Variants in CDC6 observed in about 807,000 individuals in gnomAD.
CDC6 encodes the protein DNA replication factor CDC6.
A neutral mutation model predicts 60.2 loss-of-function variants in CDC6; 46 were observed. The observed-to-expected ratio is 0.76, with a 90% CI of 0.60 to 0.98. The LOEUF (loss-of-function observed/expected upper bound fraction) is 0.98, where lower values mean the gene tolerates loss of function less well. Among genes scored for constraint, CDC6 ranks in the 50% least tolerant of loss-of-function variants. CDC6 has a pLI of 0.00. For missense variants in CDC6, 596 were observed against 652.9 expected, an observed-to-expected ratio of 0.91 and a Z score of 0.95; for synonymous variants, 210 against 233.2, an observed-to-expected ratio of 0.90 and a Z score of 0.90.
chr17:40,289,639 G>T, intron 2 of CDC6, 41 bp downstream of exon 2: 1 of 1,525,028 alleles, frequency 6.6e-7, no homozygotes, highest in South Asian at 1.1e-5. Flanking sequence ...AGCAGCTCGT[G>T]ACCTTTCTTT....
rs1487054732 is a variant in CDC6 at position 40,303,220 on chromosome 17, A to C, written c.*1219A>C. ...ATAACATTGACTACTTTGAAAGGGG[A>C]TGCTTGAGGCTGAGGTAGTTTTGAG... is the stretch of plus-strand genomic sequence containing the variant. On this transcript the variant is annotated 3_prime_UTR_variant, in exon 12 of 12. Coordinates refer to ENST00000209728, the MANE Select transcript of CDC6 (RefSeq NM_001254.4). The C allele has an allele frequency of 6.6e-6, 1 of 152,200 alleles. No individual in the cohort carries two copies. Among genetic ancestry groups the C allele is most frequent in the Non-Finnish European group, 1.5e-5 (1 of 68,038 alleles). The allele number at this position is 152,200 out of a possible 1,614,324, so 9.4% of individuals were successfully genotyped here. A position where few individuals can be genotyped will look rare whatever the true frequency, so the allele number is the denominator to read the frequency against.
intron 4 of CDC6, among the ~76,000 whole-genome samples, chr17:40,292,045 C>T (rs2032772365): frequency 6.6e-6 from 1 of 152,078 alleles, no homozygotes; most frequent in Non-Finnish European, 1.5e-5. Flanking sequence ...CCGCACCTGG[C>T]CTGTTTTGTT....
At chr17:40,294,082 A>T (rs1274321237) in intron 6 of CDC6, 26 bp downstream of exon 6, 5 of 1,474,186 alleles carry the variant, frequency 3.4e-6, no homozygotes, top group Non-Finnish European at 4.8e-6. Context: ...TTAATGTTAC[A>T]TGGTGGTTCT....
rs113267647 is a variant in CDC6 at position 40,299,254 on chromosome 17, C to T, written c.1250-1574C>T. ...CCTCCTCCTCCCAGGCTCAAGCCATCCTCCCACCCCAGCCTCCTGAGTAGC... is the reference window on the plus strand; with the variant it reads ...CCTCCTCCTCCCAGGCTCAAGCCATTCTCCCACCCCAGCCTCCTGAGTAGC... On this transcript the variant is annotated intron_variant, in intron 9 of 11. Transcript: ENST00000209728. Among the ~76,000 whole-genome samples, 81 of 147,622 alleles carry T rather than the reference C, an allele frequency of 5.5e-4. 1 individual carries two copies. The highest frequency in any genetic ancestry group is 1.9e-3 in the African/African-American group (78 of 40,270).
At chr17:40,290,406 TGCTGCTAGACATTACAATGCACAGGACA>T (rs1192588616) in intron 2 of CDC6, among the ~76,000 whole-genome samples, 24 of 152,206 alleles carry the variant, frequency 1.6e-4, no homozygotes, top group African/African-American at 5.5e-4. Context: ...AGGCCAGGGA[TGCTGCTAGACATTACAATGCACAGGACA>T]GCTCCTTGAC....
chr17:40,294,370 C>T lies in CDC6; in HGVS notation c.950C>T (p.Ala317Val). The T allele has an allele frequency of 6.2e-7, 1 of 1,602,884 alleles. No individual in the cohort carries two copies. The highest frequency in any genetic ancestry group is 8.5e-7 in the Non-Finnish European group (1 of 1,170,052). ...TTGTTGATCTCCTCCTTAGGTATTG[C>T]TAATACCCTGGATCTCACAGATAGA... ...SNSHLVLIGI[A>V]NTLDLTDRIL... Residue 317 changes from alanine to valine, a missense_variant, in exon 7 of 12, where the codon GCT becomes GTT. Coordinates refer to ENST00000209728, the MANE Select transcript of CDC6 (RefSeq NM_001254.4).
chr17:40,300,460 G>A (rs892414347), intron 9 of CDC6, among the ~76,000 whole-genome samples: 1 of 152,084 alleles, frequency 6.6e-6, no homozygotes, highest in Non-Finnish European at 1.5e-5. Flanking sequence ...TAGTGCCACT[G>A]TACTCCAGCC....
intron 7 of CDC6, 75 bp from the exon 8 acceptor site, chr17:40,295,281 A>G: frequency 1.0e-6 from 1 of 990,112 alleles, no homozygotes; most frequent in South Asian, 1.3e-5. Flanking sequence ...ATGTGAAAAT[A>G]TTTATGCTTG....
rs1443554054 is a variant in CDC6 at position 40,301,894 on chromosome 17, C to A, written c.1594-18C>A. On this transcript the variant is annotated intron_variant, in intron 11 of 11. Transcript: ENST00000209728. Reference sequence around the variant, plus strand: ...TGTGAGTTCCCCAGTGTGAAAAATCCTTTTCTCTTCTTTCCAGGTGTTTTT... The same window carrying A: ...TGTGAGTTCCCCAGTGTGAAAAATCATTTTCTCTTCTTTCCAGGTGTTTTT... The A allele has an allele frequency of 8.7e-6, 13 of 1,500,804 alleles. No homozygotes were observed. The East Asian group carries it at 2.3e-4, about 26-fold the overall frequency. The allele number at this position is 1,500,804 out of a possible 1,614,324, so 93.0% of individuals were successfully genotyped here. A position where few individuals can be genotyped will look rare whatever the true frequency, so the allele number is the denominator to read the frequency against.
At chr17:40,300,704 CT>C in intron 9 of CDC6, 123 bp from the exon 10 acceptor site, 1 of 808,730 alleles carries the variant, frequency 1.2e-6, no homozygotes, top group Non-Finnish European at 2.2e-6. Flanking sequence ...AAAACCTCTG[CT>C]TTGCCACCAT....
intron 1 of CDC6, among the ~76,000 whole-genome samples, chr17:40,288,291 T>G (rs1397408510): frequency 6.6e-6 from 1 of 152,162 alleles, no homozygotes; most frequent in African/African-American, 2.4e-5. Flanking sequence ...GAGGGAAGAC[T>G]GAGCTGCAGT....
In CDC6 at chr17:40,302,099, A is replaced by G; in HGVS notation, c.*98A>G. ...TACACATTCGGGCCTGAAAACAAAT[A>G]TGACCTTTTTTACTTGAAGCCAATG... On this transcript the variant is annotated 3_prime_UTR_variant, in exon 12 of 12. Coordinates refer to ENST00000209728, the MANE Select transcript of CDC6 (RefSeq NM_001254.4). The G allele has an allele frequency of 3.8e-6, 3 of 789,648 alleles. No individual in the cohort carries two copies. Among genetic ancestry groups the G allele is most frequent in the Non-Finnish European group, 6.9e-6 (3 of 435,276 alleles). 48.9% of individuals were successfully genotyped at this position (789,648 alleles called of 1,614,324 possible). A position where few individuals can be genotyped will look rare whatever the true frequency, so the allele number is the denominator to read the frequency against.
rs1054292907 is a variant in CDC6, at chr17:40,291,790, G to A, written c.660+122G>A. The A allele has an allele frequency of 3.9e-6, 4 of 1,020,666 alleles. No homozygotes were observed. The African/African-American group carries it at 4.7e-5, about 12-fold the overall frequency. The allele number at this position is 1,020,666 out of a possible 1,614,324, so 63.2% of individuals were successfully genotyped here. ...AGACGGAGTCTCGCTCTGTCGCCTAGGCTGTAGTGCAGTGGCGCGATCTCG... is the reference window on the plus strand; with the variant it reads ...AGACGGAGTCTCGCTCTGTCGCCTAAGCTGTAGTGCAGTGGCGCGATCTCG... On this transcript the variant is annotated intron_variant, in intron 4 of 11. Transcript: ENST00000209728.
At chr17:40,295,228 A>G (rs757506686) in intron 7 of CDC6, 128 bp from the exon 8 acceptor site, 5 of 739,450 alleles carry the variant, frequency 6.8e-6, no homozygotes, top group Non-Finnish European at 1.2e-5. Context: ...AAGAAAAGGC[A>G]TCTTTTTAAC....
In CDC6 at chr17:40,291,114, G is replaced by A; in HGVS notation, c.235G>A (p.Gly79Ser). The A allele has an allele frequency of 6.2e-7, 1 of 1,614,106 alleles. No individual in the cohort carries two copies. The highest frequency in any genetic ancestry group is 1.1e-5 in the South Asian group (1 of 91,084). The change falls in exon 3 of 12, where the codon GGC becomes AGC. Residue 79 changes from glycine (G) to serine (S), a missense_variant. Physicochemically the swap from Gly to Ser is moderately conservative, Grantham distance 56. Coordinates refer to ENST00000209728, the MANE Select transcript of CDC6 (RefSeq NM_001254.4). ...HLPPCSPPKQGKKENGPPHSH... is the reference protein window; with the variant it reads ...HLPPCSPPKQSKKENGPPHSH... ...ACCTCCTTGTTCTCCACCAAAGCAA[G>A]GCAAGAAAGAGAATGGTCCCCCTCA...
At chr17:40,291,362 T>A (rs777796899) in intron 3 of CDC6, 23 bp downstream of exon 3, 15 of 1,613,624 alleles carry the variant, frequency 9.3e-6, no homozygotes, top group Non-Finnish European at 1.1e-5. Flanking sequence ...ATGGCAACTG[T>A]TAGTGCAGCC....
intron 9 of CDC6, among the ~76,000 whole-genome samples, chr17:40,297,081 C>A (rs192771197): frequency 6.6e-6 from 1 of 151,996 alleles, no homozygotes; most frequent in Non-Finnish European, 1.5e-5. Flanking sequence ...GCTTATGTTG[C>A]GTGCACTTTA....
At chr17:40,300,233 G>A (rs1010110554) in intron 9 of CDC6, among the ~76,000 whole-genome samples, 2 of 152,156 alleles carry the variant, frequency 1.3e-5, no homozygotes, top group African/African-American at 4.8e-5. Flanking sequence ...CAAAGTGCTG[G>A]GATTACAGGC....
At chr17:40,289,067 CG>C in intron 1 of CDC6, 1 of 317,808 alleles carries the variant, frequency 3.1e-6, no homozygotes, top group Non-Finnish European at 6.1e-6. Context: ...ACCAGATGCC[CG>C]GGGTTACATT....
Sources: allele counts gnomAD v4.1 joint callset (sites outside exome capture counted in the v4.1 genomes callset), GRCh38; gene constraint gnomAD v4.1.1; transcripts MANE v1.5; gene names NCBI Gene and HGNC (gene_info 2026-07-23, HGNC 2026-07-21).